The following AZGP1 variants were observed in gnomAD, a reference collection of about 807,000 sequenced individuals.
AZGP1 encodes zinc-alpha-2-glycoprotein.
A neutral mutation model predicts 31.5 loss-of-function variants in AZGP1; 28 were observed. The observed-to-expected ratio is 0.89, with a 90% CI of 0.66 to 1.22. AZGP1 has a LOEUF of 1.22. AZGP1 is among the 50% of genes most tolerant of loss of function. The pLI, the probability that AZGP1 is intolerant of heterozygous loss-of-function variation, is 0.00. For missense variants in AZGP1, 361 were observed against 371.8 expected, an observed-to-expected ratio of 0.97 and a Z score of 0.24; for synonymous variants, 135 against 145.4, an observed-to-expected ratio of 0.93 and a Z score of 0.51.
intron 2 of AZGP1, 31 bp downstream of exon 2, chr7:99,971,715 C>A (rs371240012): frequency 6.2e-7 from 1 of 1,602,340 alleles, no homozygotes; most frequent in South Asian, 1.1e-5. Flanking sequence ...TGGGTTAGAC[C>A]TTCCACCCCT....
chr7:99,971,645 G>A (rs1789578625), intron 2 of AZGP1, 101 bp downstream of exon 2: 1 of 1,403,054 alleles, frequency 7.1e-7, no homozygotes, highest in Non-Finnish European at 9.7e-7. Flanking sequence ...TCTTCCCCTG[G>A]GATTGGGACT....
chr7:99,970,280 G>A lies in AZGP1; in HGVS notation c.337+1466C>T, dbSNP rs542607864. 9.9e-4 allele frequency among the ~76,000 whole-genome samples: 150 copies of A among 152,066 alleles called. 1 individual carries two copies. The highest frequency in any genetic ancestry group is 3.4e-3 in the African/African-American group (141 of 41,482). On this transcript the variant is annotated intron_variant, in intron 2 of 3. Transcript: ENST00000292401. ...TGTTTTTAGACAACGTTTCACTCTT[G>A]TCACCCAGGCTGTAGTGCAATGGTA...
Position 99,967,293 on chromosome 7 carries a change from A to G in AZGP1, c.614-7T>C, listed in dbSNP as rs748578035. On this transcript the variant is annotated splice_polypyrimidine_tract_variant and splice_region_variant and intron_variant, in intron 3 of 3. Coordinates refer to ENST00000292401, the MANE Select transcript of AZGP1 (RefSeq NM_001185.4). Reference sequence around the variant, plus strand: ...ACCACCACAGAGGGAGGATCTGTGGAGGGATAGAGTGTGACACTGCAGGCT... The same window carrying G: ...ACCACCACAGAGGGAGGATCTGTGGGGGGATAGAGTGTGACACTGCAGGCT... The G allele has an allele frequency of 4.3e-6, 7 of 1,609,792 alleles. No homozygotes were observed. Among genetic ancestry groups the G allele is most frequent in the South Asian group, 2.2e-5 (2 of 90,806 alleles).
intron 2 of AZGP1, among the ~76,000 whole-genome samples, chr7:99,969,187 T>C (rs137980992): frequency 0.021 from 3,165 of 152,004 alleles, 327 homozygotes; most frequent in Admixed American, 0.17. Flanking sequence ...GGCCAAAGGA[T>C]CACCTGAGGT....
intron 1 of AZGP1, among the ~76,000 whole-genome samples, chr7:99,973,655 C>A (rs921991785): frequency 6.6e-6 from 1 of 151,696 alleles, no homozygotes; most frequent in Non-Finnish European, 1.5e-5. Flanking sequence ...GTGGCTCATG[C>A]CTGTAATTCC....
intron 2 of AZGP1, 54 bp from the exon 3 acceptor site, chr7:99,968,484 C>A: frequency 6.3e-7 from 1 of 1,587,198 alleles, no homozygotes; most frequent in South Asian, 1.1e-5. Flanking sequence ...AGAAATTTAT[C>A]AAAATAACTC....
chr7:99,968,962 CAAA>C (rs869115613), intron 2 of AZGP1, among the ~76,000 whole-genome samples: 5 of 26,700 alleles, frequency 1.9e-4, no homozygotes, highest in Non-Finnish European at 2.4e-4. Context: ...GACCCTATCT[CAAA>C]AAAAAAAAAA....
chr7:99,975,890 T>C (rs1331260421), intron 1 of AZGP1, 55 bp downstream of exon 1: 11 of 1,593,460 alleles, frequency 6.9e-6, no homozygotes, highest in Non-Finnish European at 9.5e-6. Flanking sequence ...ACATGTCCTG[T>C]TCCTCACCTC....
chr7:99,972,812 T>A (rs1473683727), intron 1 of AZGP1, among the ~76,000 whole-genome samples: 1 of 151,132 alleles, frequency 6.6e-6, no homozygotes. Flanking sequence ...AGACTCCGTC[T>A]CAAAAAAAAC....
In AZGP1 at chr7:99,975,930, G is replaced by T. The variant is rs377413029; in HGVS notation, c.76+15C>A. On this transcript the variant is annotated intron_variant, in intron 1 of 3. Coordinates refer to ENST00000292401, the MANE Select transcript of AZGP1 (RefSeq NM_001185.4). Reference sequence around the variant, plus strand: ...CAGTCCTCTCCAGCACCCATCCCTTGCTTTCCCCACTCACCATCTTGGTTC... The same window carrying T: ...CAGTCCTCTCCAGCACCCATCCCTTTCTTTCCCCACTCACCATCTTGGTTC... 25 of 1,613,678 alleles carry T rather than the reference G, an allele frequency of 1.5e-5. No individual in the cohort carries two copies. The highest frequency in any genetic ancestry group is 5.3e-5 in the African/African-American group (4 of 74,848).
chr7:99,974,852 G>A (rs1789632725), intron 1 of AZGP1, among the ~76,000 whole-genome samples: 1 of 151,952 alleles, frequency 6.6e-6, no homozygotes, highest in Non-Finnish European at 1.5e-5. Flanking sequence ...ACTCTCCATA[G>A]TGGTGGGCTT....
In AZGP1 at chr7:99,971,990, G is replaced by C; in HGVS notation, c.93C>G (p.Thr31=). The C allele has an allele frequency of 1.2e-6, 2 of 1,610,214 alleles. No individual in the cohort carries two copies. Among genetic ancestry groups the C allele is most frequent in the Non-Finnish European group, 8.5e-7 (1 of 1,177,804 alleles). The change falls in exon 2 of 4, where the codon ACC becomes ACG. Residue 31 remains threonine (T), a synonymous_variant. Coordinates refer to ENST00000292401, the MANE Select transcript of AZGP1 (RefSeq NM_001185.4). ...GCTTGGACAGCCCAGTGTAGATATA[G>C]GTCAGAGAGTAACGACCTGCAAAAG... ...QENQDGRYSL[T]YIYTGLSKHV...
chr7:99,967,752 C>T, intron 3 of AZGP1: 1 of 463,826 alleles, frequency 2.2e-6, no homozygotes, highest in South Asian at 3.0e-5. Flanking sequence ...ACACGCCTCC[C>T]TTCTCTCCAC....
At chr7:99,974,025 C>T (rs1391234575) in intron 1 of AZGP1, among the ~76,000 whole-genome samples, 1 of 151,898 alleles carries the variant, frequency 6.6e-6, no homozygotes, top group African/African-American at 2.4e-5. Context: ...GTAATTCCAG[C>T]ACTCTGGGAG....
chr7:99,967,641 C>T (rs1480604268), intron 3 of AZGP1: 2 of 433,102 alleles, frequency 4.6e-6, no homozygotes, highest in African/African-American at 4.0e-5. Context: ...TGCAGCACTG[C>T]ACAATCCTGA....
rs1584298014 is a variant in AZGP1 at position 99,966,851 on chromosome 7, C to G, written c.*152G>C. On this transcript the variant is annotated 3_prime_UTR_variant, in exon 4 of 4. Coordinates refer to ENST00000292401, the MANE Select transcript of AZGP1 (RefSeq NM_001185.4). ...TACTCAAGACAGGCATCCCAGTCTT[C>G]GGTCTCCAAATCCACCTCCTGTCTG... is the stretch of plus-strand genomic sequence containing the variant. 3 of 1,207,868 alleles carry G rather than the reference C, an allele frequency of 2.5e-6. No individual in the cohort carries two copies. The African/African-American group carries it at 4.6e-5, about 18-fold the overall frequency. 74.8% of individuals were successfully genotyped at this position (1,207,868 alleles called of 1,614,324 possible).
chr7:99,973,361 C>T (rs1254611337), intron 1 of AZGP1, among the ~76,000 whole-genome samples: 1 of 152,086 alleles, frequency 6.6e-6, no homozygotes, highest in Non-Finnish European at 1.5e-5. Context: ...TACACAGGTG[C>T]TAATGATGTT....
intron 1 of AZGP1, among the ~76,000 whole-genome samples, chr7:99,974,439 T>A (rs946489628): frequency 6.8e-6 from 1 of 147,570 alleles, no homozygotes; most frequent in Non-Finnish European, 1.5e-5. Flanking sequence ...ACAAAAAAAT[T>A]AGCCAGGTGT....
intron 2 of AZGP1, chr7:99,968,659 G>T: frequency 3.4e-6 from 2 of 582,242 alleles, no homozygotes; most frequent in Non-Finnish European, 3.0e-6. Flanking sequence ...GATGAGATAT[G>T]TTCCTCCTTA....
Sources: allele counts gnomAD v4.1 joint callset (sites outside exome capture counted in the v4.1 genomes callset), GRCh38; gene constraint gnomAD v4.1.1; transcripts MANE v1.5; gene names NCBI Gene and HGNC (gene_info 2026-07-23, HGNC 2026-07-21).